Variants in ZCWPW2 observed in about 807,000 individuals in gnomAD.
ZCWPW2 encodes zinc finger CW-type and PWWP domain containing 2.
Under a neutral mutation model 46.6 loss-of-function variants are expected in ZCWPW2, and 45 were observed. That is an observed-to-expected ratio of 0.96 (90% confidence interval 0.76 to 1.24). The LOEUF (loss-of-function observed/expected upper bound fraction) is 1.24, where lower values mean the gene tolerates loss of function less well. Ranked by LOEUF, ZCWPW2 falls within the 50% of genes most tolerant of loss-of-function variation. The pLI, the probability that ZCWPW2 is intolerant of heterozygous loss-of-function variation, is 0.00. For missense variants in ZCWPW2, 429 were observed against 403.9 expected (o/e 1.06, Z -0.53); for synonymous variants, 152 against 137.1 (o/e 1.11, Z -0.76).
chr3:28,475,171 T>C (rs932376178), intron 4 of ZCWPW2, among the ~76,000 whole-genome samples: 8 of 152,070 alleles, frequency 5.3e-5, no homozygotes, highest in African/African-American at 1.9e-4. Context: ...AACAAATCTT[T>C]CTTTCTTGAC....
intron 5 of ZCWPW2, among the ~76,000 whole-genome samples, chr3:28,483,340 T>C (rs547352110): frequency 5.7e-4 from 87 of 152,298 alleles, no homozygotes; most frequent in Admixed American, 1.3e-3. Context: ...GTTCTGTTGA[T>C]CTATTTGTCT....
At chr3:28,487,824 C>T (rs1302046467) in intron 5 of ZCWPW2, among the ~76,000 whole-genome samples, 1 of 152,042 alleles carries the variant, frequency 6.6e-6, no homozygotes, top group East Asian at 1.9e-4. Context: ...GGGCTTTCCT[C>T]CAACCCCCCT....
chr3:28,508,075 CAGGATGCTTCCACTCATGATAGA>C (rs1700327594), intron 6 of ZCWPW2, among the ~76,000 whole-genome samples: 1 of 152,048 alleles, frequency 6.6e-6, no homozygotes, highest in Non-Finnish European at 1.5e-5. Flanking sequence ...GTGAGGGGCC[CAGGATGCTTCCACTCATGATAGA>C]AGGCAAAGGG....
chr3:28,406,254 G>A (rs764973586), intron 2 of ZCWPW2, among the ~76,000 whole-genome samples: 1 of 152,168 alleles, frequency 6.6e-6, no homozygotes. Context: ...AGCATGTTCA[G>A]GAGAGAACAT....
chr3:28,515,649 T>G, intron 8 of ZCWPW2, 28 bp downstream of exon 8: 1 of 1,571,422 alleles, frequency 6.4e-7, no homozygotes. Flanking sequence ...CTGCTTTTAG[T>G]TCTTTAACCT....
intron 4 of ZCWPW2, among the ~76,000 whole-genome samples, chr3:28,471,150 G>C (rs6803692): frequency 0.54 from 81,419 of 151,970 alleles, 22,300 homozygotes; most frequent in African/African-American, 0.58. Flanking sequence ...AACCTGATGG[G>C]TTCACTGCTG....
intron 4 of ZCWPW2, among the ~76,000 whole-genome samples, chr3:28,477,824 A>G (rs932390731): frequency 6.6e-6 from 1 of 152,182 alleles, no homozygotes; most frequent in African/African-American, 2.4e-5. Context: ...GCTGGTATTC[A>G]AAATGAAAAT....
Position 28,467,518 on chromosome 3 carries a change from G to A in ZCWPW2, c.493-11296G>A, listed in dbSNP as rs149115063. 3.0e-3 allele frequency among the ~76,000 whole-genome samples: 451 copies of A among 152,236 alleles called. 5 individuals carry two copies. The highest frequency in any genetic ancestry group is 9.9e-3 in the African/African-American group (409 of 41,518). On this transcript the variant is annotated intron_variant, in intron 4 of 9. Transcript: ENST00000383768. ...GAACATAGGCAGTAGCCAGGTAGTG[G>A]TTACAGTGGGCCTTGGGTGAGACCC... is the stretch of plus-strand genomic sequence containing the variant.
chr3:28,356,143 A>G (rs1392140276), intron 1 of ZCWPW2, among the ~76,000 whole-genome samples: 3 of 152,210 alleles, frequency 2.0e-5, no homozygotes, highest in Non-Finnish European at 4.4e-5. Context: ...AAGAACTTAA[A>G]CAAATTTACA....
intron 4 of ZCWPW2, among the ~76,000 whole-genome samples, chr3:28,476,791 G>A (rs1699251292): frequency 6.6e-6 from 1 of 152,164 alleles, no homozygotes; most frequent in African/African-American, 2.4e-5. Context: ...CCATCTGGGG[G>A]TGATGGGAGA....
Position 28,390,598 on chromosome 3 carries a change from C to G in ZCWPW2, c.-33C>G. 1.0e-6 allele frequency: 1 copy of G among 985,250 alleles called. No individual in the cohort carries two copies. The highest frequency in any genetic ancestry group is 1.2e-6 in the Non-Finnish European group (1 of 829,870). The allele number at this position is 985,250 out of a possible 1,614,324, so 61.0% of individuals were successfully genotyped here. A position where few individuals can be genotyped will look rare whatever the true frequency, so the allele number is the denominator to read the frequency against. On this transcript the variant is annotated 5_prime_UTR_variant, in exon 2 of 10. Coordinates refer to ENST00000383768, the MANE Select transcript of ZCWPW2 (RefSeq NM_001040432.4). ...TTTCTTCATGGAATTTTGCTAGGAA[C>G]AAAAGAAAAGTCTAACTCCGTAAGT...
chr3:28,390,048 C>T lies in ZCWPW2; in HGVS notation c.-133-450C>T, dbSNP rs1304482355. On this transcript the variant is annotated intron_variant, in intron 1 of 9. Coordinates refer to ENST00000383768, the MANE Select transcript of ZCWPW2 (RefSeq NM_001040432.4). ...AAATACCTAGGCACCATGGCCCAGC[C>T]AAGCTGACACATAAAATTAACCTTT... Among the ~76,000 whole-genome samples, 8 of 152,148 alleles carry T rather than the reference C, an allele frequency of 5.3e-5. No individual in the cohort carries two copies. The East Asian group carries it at 1.5e-3, about 29-fold the overall frequency.
intron 4 of ZCWPW2, among the ~76,000 whole-genome samples, chr3:28,437,660 T>A (rs932101528): frequency 1.3e-5 from 2 of 152,336 alleles, no homozygotes; most frequent in Non-Finnish European, 2.9e-5. Flanking sequence ...ATGGAACTAT[T>A]CATTGATACA....
chr3:28,389,548 G>A lies in ZCWPW2; in HGVS notation c.-133-950G>A, dbSNP rs562142383. 9.4e-4 allele frequency among the ~76,000 whole-genome samples: 143 copies of A among 152,244 alleles called. 1 individual carries two copies. The East Asian group carries it at 0.01, about 11-fold the overall frequency. On this transcript the variant is annotated intron_variant, in intron 1 of 9. Coordinates refer to ENST00000383768, the MANE Select transcript of ZCWPW2 (RefSeq NM_001040432.4). Reference sequence around the variant, plus strand: ...ACTAAAATTGCTCTCTTTAGTAATGGAAATGGAGTTATTAGTGTCTTTAAA... The same window carrying A: ...ACTAAAATTGCTCTCTTTAGTAATGAAAATGGAGTTATTAGTGTCTTTAAA...
At chr3:28,361,849 A>C (rs1394916787) in intron 1 of ZCWPW2, among the ~76,000 whole-genome samples, 2 of 152,138 alleles carry the variant, frequency 1.3e-5, no homozygotes, top group Non-Finnish European at 2.9e-5. Context: ...TAGGATGGCT[A>C]TAATTTTTTT....
chr3:28,381,378 A>G (rs530607726), intron 1 of ZCWPW2, among the ~76,000 whole-genome samples: 3 of 152,136 alleles, frequency 2.0e-5, no homozygotes, highest in East Asian at 1.9e-4. Context: ...CAAGAAAATC[A>G]TAAGAGAAAA....
intron 6 of ZCWPW2, among the ~76,000 whole-genome samples, chr3:28,501,559 A>G (rs544950972): frequency 1.3e-5 from 2 of 152,294 alleles, no homozygotes; most frequent in Admixed American, 1.3e-4. Context: ...TTATTGAAGT[A>G]AAATTTAAAC....
chr3:28,442,888 GA>G (rs1279365169), intron 4 of ZCWPW2, among the ~76,000 whole-genome samples: 1 of 152,136 alleles, frequency 6.6e-6, no homozygotes, highest in Admixed American at 6.6e-5. Flanking sequence ...TCCCTCCAGG[GA>G]TGTGATATTG....
chr3:28,477,697 T>C (rs536052571), intron 4 of ZCWPW2, among the ~76,000 whole-genome samples: 3 of 152,268 alleles, frequency 2.0e-5, no homozygotes, highest in East Asian at 1.9e-4. Flanking sequence ...ATGGGTCTTA[T>C]ATAGATTTAC....
Sources: gnomAD v4.1 joint callset for allele counts (sites outside exome capture counted in the v4.1 genomes callset) on GRCh38, gnomAD v4.1.1 for gene constraint, MANE v1.5 for transcripts, NCBI Gene and HGNC (gene_info 2026-07-23, HGNC 2026-07-21) for gene names.